ZNF469: variants seen among roughly 807,000 people sequenced by gnomAD.
The protein encoded by ZNF469 is zinc finger protein 469.
A neutral mutation model predicts 1.0 loss-of-function variants in ZNF469; 1 was observed. That is an observed-to-expected ratio of 1.00 (90% confidence interval 0.35 to 4.73). ZNF469 has a LOEUF of 4.73. Ranked by LOEUF, ZNF469 falls within the 30% of genes most tolerant of loss-of-function variation. The probability of loss-of-function intolerance (pLI) is 0.16; values close to 1 mark genes in which losing one functional copy is unlikely to be tolerated. For missense variants in ZNF469, 6,100 were observed against 5,356.3 expected, an observed-to-expected ratio of 1.14 and a Z score of -4.33; for synonymous variants, 2,703 against 2,363.4, an observed-to-expected ratio of 1.14 and a Z score of -4.17.
chr16:88,350,587 C>T, the ZNF469 span, among the ~76,000 whole-genome samples: 5 of 152,260 alleles, frequency 3.3e-5, no homozygotes, highest in African/African-American at 1.2e-4. Flanking sequence ...CTTAGCCTCC[C>T]TGTGGTGGGC....
chr16:88,195,384 G>A, the ZNF469 span, among the ~76,000 whole-genome samples: 10 of 152,286 alleles, frequency 6.6e-5, no homozygotes, highest in South Asian at 4.1e-4. Context: ...CGTGGGCCCC[G>A]CTGGGTGGTT....
Position 88,427,983 on chromosome 16 carries a change from C to A in ZNF469, c.513C>A (p.Ala171=). 6.5e-7 allele frequency: 1 copy of A among 1,549,984 alleles called. No individual in the cohort carries two copies. The highest frequency in any genetic ancestry group is 8.7e-7 in the Non-Finnish European group (1 of 1,146,882). ...PLRPGLPRTE[A]QPAAEELGFH... is the part of the protein sequence containing the mutation. ...GGCCGGGCCTCCCAAGGACTGAGGC[C>A]CAACCCGCCGCCGAAGAGCTTGGCT... is the stretch of plus-strand genomic sequence containing the variant. Residue 171 remains alanine, a synonymous_variant, in exon 3 of 3, where the codon GCC becomes GCA. Coordinates refer to ENST00000565624, the MANE Select transcript of ZNF469 (RefSeq NM_001367624.2).
chr16:88,321,980 G>T, the ZNF469 span, among the ~76,000 whole-genome samples: 1 of 152,202 alleles, frequency 6.6e-6, no homozygotes, highest in Admixed American at 6.5e-5. Context: ...CAACAGCAAA[G>T]ACCCTAGGAC....
At chr16:88,308,275 C>A in the ZNF469 span, among the ~76,000 whole-genome samples, 1 of 152,162 alleles carries the variant, frequency 6.6e-6, no homozygotes, top group Non-Finnish European at 1.5e-5. Flanking sequence ...AGTCCTCCAG[C>A]TTTGCTCTTT....
In ZNF469 at chr16:88,433,286, G is replaced by T; in HGVS notation, c.5816G>T (p.Gly1939Val). The T allele has an allele frequency of 1.3e-6, 2 of 1,550,358 alleles. No individual in the cohort carries two copies. The highest frequency in any genetic ancestry group is 1.7e-6 in the Non-Finnish European group (2 of 1,146,958). ...AGCCCTCCACGAGTGAACCCCTCAG[G>T]TCTGGAAGGGGGCACTGTGGAAGGA... ...AQSPPRVNPSGLEGGTVEGGK... is the reference protein window; with the variant it reads ...AQSPPRVNPSVLEGGTVEGGK... The change falls in exon 3 of 3, where the codon GGT becomes GTT. Residue 1939 changes from glycine to valine, a missense_variant. Transcript: ENST00000565624.
At chr16:88,257,761 A>G in the ZNF469 span, among the ~76,000 whole-genome samples, 1 of 152,186 alleles carries the variant, frequency 6.6e-6, no homozygotes, top group Non-Finnish European at 1.5e-5. Context: ...GAAGGTCAGT[A>G]ACTTGGACAA....
At chr16:88,410,371 A>G (rs1410295690) in intron 1 of ZNF469, among the ~76,000 whole-genome samples, 2 of 151,368 alleles carry the variant, frequency 1.3e-5, no homozygotes, top group East Asian at 3.9e-4. Context: ...TGCAGGTCAC[A>G]CAGTTTACGG....
chr16:88,208,797 ACACACACTCTCT>A, the ZNF469 span, among the ~76,000 whole-genome samples: 24,489 of 70,202 alleles, frequency 0.35, 2,080 homozygotes, highest in East Asian at 0.49. Flanking sequence ...ACACACACAC[ACACACACTCTCT>A]CTCTCTCTCT....
At chr16:88,425,283 CCCT>C (rs931358202) in intron 2 of ZNF469, among the ~76,000 whole-genome samples, 1 of 152,202 alleles carries the variant, frequency 6.6e-6, no homozygotes, top group African/African-American at 2.4e-5. Context: ...ACTCTGAGCC[CCCT>C]CCTCCTCCAT....
chr16:88,434,213 G>A lies in ZNF469; in HGVS notation c.6743G>A (p.Ser2248Asn). Residue 2248 changes from serine to asparagine, a missense_variant, in exon 3 of 3, where the codon AGC becomes AAC. By Grantham distance (46) the Ser-to-Asn change is conservative (BLOSUM62 1). Coordinates refer to ENST00000565624, the MANE Select transcript of ZNF469 (RefSeq NM_001367624.2). ...CTHSGDTPKD[S>N]TLRIPEDSRK... is the part of the protein sequence containing the mutation. ...CACAGTGGGGACACCCCCAAAGACA[G>A]CACTTTAAGAATTCCAGAGGATTCC... The A allele has an allele frequency of 1.3e-6, 2 of 1,550,386 alleles. No homozygotes were observed. The highest frequency in any genetic ancestry group is 2.4e-5 in the East Asian group (1 of 40,916).
chr16:88,438,683 C>T lies in ZNF469; in HGVS notation c.11213C>T (p.Pro3738Leu). 1 of 1,550,042 alleles carries T rather than the reference C, an allele frequency of 6.5e-7. No homozygotes were observed. The highest frequency in any genetic ancestry group is 8.7e-7 in the Non-Finnish European group (1 of 1,146,862). The part of the protein sequence containing the change: ...PGPSSQGSGS[P>L]RPGTKTGGGS... ...CCCAGCTCCCAGGGCAGTGGAAGCC[C>T]TCGCCCCGGCACCAAGACAGGAGGT... The change falls in exon 3 of 3, where the codon CCT (proline) becomes CTT (leucine). Residue 3738 changes from proline (P) to leucine (L), a missense_variant. Physicochemically the swap from Pro to Leu is moderately conservative, Grantham distance 98. Transcript: ENST00000565624.
the ZNF469 span, among the ~76,000 whole-genome samples, chr16:88,356,962 A>G: frequency 1.3e-5 from 2 of 152,246 alleles, no homozygotes; most frequent in African/African-American, 2.4e-5. Context: ...CTGCTGTGAC[A>G]CGGAGGTGCA....
chr16:88,412,584 A>C (rs1377478409), intron 1 of ZNF469, among the ~76,000 whole-genome samples: 2 of 152,200 alleles, frequency 1.3e-5, no homozygotes, highest in Non-Finnish European at 2.9e-5. Context: ...TCTGTCCTAG[A>C]GTTGCCCCAG....
the ZNF469 span, among the ~76,000 whole-genome samples, chr16:88,291,775 G>C: frequency 6.6e-6 from 1 of 152,154 alleles, no homozygotes; most frequent in Non-Finnish European, 1.5e-5. Flanking sequence ...TCCTCCCTGC[G>C]TCTGGGTGTC....
At chr16:88,183,349 A>G in the ZNF469 span, among the ~76,000 whole-genome samples, 10 of 152,348 alleles carry the variant, frequency 6.6e-5, no homozygotes, top group South Asian at 4.1e-4. Flanking sequence ...ACCTGCACGC[A>G]AATGTCTAAA....
the ZNF469 span, among the ~76,000 whole-genome samples, chr16:88,181,972 G>A: frequency 8.5e-5 from 13 of 152,302 alleles, no homozygotes; most frequent in East Asian, 5.8e-4. Flanking sequence ...CATGATCATC[G>A]ATGTAGAAAA....
At chr16:88,154,252 G>C in the ZNF469 span, among the ~76,000 whole-genome samples, 5 of 151,756 alleles carry the variant, frequency 3.3e-5, no homozygotes, top group Non-Finnish European at 5.9e-5. Flanking sequence ...CTGCCTCCCG[G>C]GTTCAAGTGA....
chr16:88,280,746 G>A, the ZNF469 span, among the ~76,000 whole-genome samples: 62 of 139,666 alleles, frequency 4.4e-4, no homozygotes, highest in African/African-American at 1.0e-3. Flanking sequence ...TTTGTTGCAC[G>A]TGTTGGTGCT....
chr16:88,207,630 T>A, the ZNF469 span, among the ~76,000 whole-genome samples: 1 of 151,306 alleles, frequency 6.6e-6, no homozygotes, highest in African/African-American at 2.4e-5. Context: ...CAGCCTCCCC[T>A]AGACATAACC....
Sources: allele counts gnomAD v4.1 joint callset (sites outside exome capture counted in the v4.1 genomes callset), GRCh38; gene constraint gnomAD v4.1.1; transcripts MANE v1.5; gene names NCBI Gene and HGNC (gene_info 2026-07-23, HGNC 2026-07-21).